AFG2A: variants seen among roughly 807,000 people sequenced by gnomAD.
AFG2A encodes ATPase family gene 2 protein homolog A.
chr4:123,177,248 A>G, the AFG2A span, among the ~76,000 whole-genome samples: 10 of 143,636 alleles, frequency 7.0e-5, no homozygotes, highest in African/African-American at 2.6e-4. Context: ...GCTGGAGTGC[A>G]GTGGCACGGT....
chr4:123,299,161 G>C, the AFG2A span, among the ~76,000 whole-genome samples: 11 of 150,004 alleles, frequency 7.3e-5, no homozygotes, highest in African/African-American at 2.7e-4. Context: ...GTCTGTGCAC[G>C]CATGCATGTA....
At chr4:123,272,642 C>G in the AFG2A span, among the ~76,000 whole-genome samples, 2 of 152,270 alleles carry the variant, frequency 1.3e-5, no homozygotes, top group East Asian at 1.9e-4. Flanking sequence ...GCATCGTAGC[C>G]TACTCAGATT....
the AFG2A span, among the ~76,000 whole-genome samples, chr4:123,044,316 A>G: frequency 1.3e-5 from 2 of 152,156 alleles, no homozygotes; most frequent in Non-Finnish European, 2.9e-5. Context: ...TTAGGGAACA[A>G]ACAAGATGAG....
At chr4:123,257,544 C>A in the AFG2A span, among the ~76,000 whole-genome samples, 6 of 152,110 alleles carry the variant, frequency 3.9e-5, no homozygotes, top group Non-Finnish European at 7.4e-5. Context: ...GAATAAAAAG[C>A]CATGTGGAAA....
the AFG2A span, among the ~76,000 whole-genome samples, chr4:123,070,689 A>G: frequency 1.3e-4 from 20 of 152,212 alleles, no homozygotes; most frequent in Admixed American, 3.3e-4. Context: ...TTAGATTTCA[A>G]CATATGCATT....
the AFG2A span, among the ~76,000 whole-genome samples, chr4:123,235,147 A>G: frequency 0.018 from 2,709 of 152,272 alleles, 90 homozygotes; most frequent in African/African-American, 0.062. Context: ...TTCTAGCACC[A>G]TAGGCTTTGA....
the AFG2A span, among the ~76,000 whole-genome samples, chr4:123,263,676 A>G: frequency 2.0e-5 from 3 of 152,184 alleles, no homozygotes; most frequent in Non-Finnish European, 2.9e-5. Context: ...CTTTATTCCT[A>G]TAAGAATAGC....
chr4:123,083,156 A>T, the AFG2A span, among the ~76,000 whole-genome samples: 1 of 152,044 alleles, frequency 6.6e-6, no homozygotes, highest in Non-Finnish European at 1.5e-5. Flanking sequence ...TTTCTTATGT[A>T]GTGTGATGTT....
At chr4:123,054,101 T>C in the AFG2A span, among the ~76,000 whole-genome samples, 4 of 152,340 alleles carry the variant, frequency 2.6e-5, no homozygotes, top group African/African-American at 9.6e-5. Flanking sequence ...ATGATTTCTC[T>C]GAACCCTTTG....
the AFG2A span, among the ~76,000 whole-genome samples, chr4:123,206,148 A>G: frequency 6.6e-6 from 1 of 152,166 alleles, no homozygotes; most frequent in Non-Finnish European, 1.5e-5. Context: ...CGAAATGTCT[A>G]CACATGATCA....
At chr4:123,034,706 AG>A in the AFG2A span, among the ~76,000 whole-genome samples, 1 of 152,192 alleles carries the variant, frequency 6.6e-6, no homozygotes, top group Non-Finnish European at 1.5e-5. Context: ...AGTAATAATA[AG>A]GGCAACAGTG....
the AFG2A span, among the ~76,000 whole-genome samples, chr4:123,084,373 T>G: frequency 6.6e-6 from 1 of 151,964 alleles, no homozygotes; most frequent in Non-Finnish European, 1.5e-5. Context: ...TCTAGTTGCT[T>G]AAGGTGAAAG....
chr4:123,018,790 C>T, the AFG2A span, among the ~76,000 whole-genome samples: 4 of 151,116 alleles, frequency 2.6e-5, no homozygotes, highest in South Asian at 2.1e-4. Flanking sequence ...TGCACCACCA[C>T]GCCCAGCTAA....
chr4:123,110,710 T>G, the AFG2A span, among the ~76,000 whole-genome samples: 1 of 152,182 alleles, frequency 6.6e-6, no homozygotes, highest in African/African-American at 2.4e-5. Flanking sequence ...ACACCGTGCT[T>G]TATGTACATA....
At chr4:122,950,666 T>G in the AFG2A span, among the ~76,000 whole-genome samples, 1 of 152,218 alleles carries the variant, frequency 6.6e-6, no homozygotes, top group Admixed American at 6.5e-5. Flanking sequence ...GGAGACGCTG[T>G]AGGCTGCACA....
chr4:123,230,505 C>G, the AFG2A span, among the ~76,000 whole-genome samples: 1 of 151,944 alleles, frequency 6.6e-6, no homozygotes, highest in Non-Finnish European at 1.5e-5. Flanking sequence ...CTTCCCTCCA[C>G]TGAAGTCTTA....
At chr4:122,929,071 C>T in the AFG2A span, 6 of 1,613,732 alleles carry the variant, frequency 3.7e-6, no homozygotes, top group Non-Finnish European at 5.1e-6. Context: ...GCAGGATTTC[C>T]TGGAGGCAAG....
At chr4:123,145,276 G>T in the AFG2A span, among the ~76,000 whole-genome samples, 1 of 152,044 alleles carries the variant, frequency 6.6e-6, no homozygotes, top group Admixed American at 6.5e-5. Flanking sequence ...CCCAATTTTT[G>T]AATGAAACTG....
chr4:123,284,954 T>A, the AFG2A span, among the ~76,000 whole-genome samples: 8 of 152,176 alleles, frequency 5.3e-5, no homozygotes. Context: ...TTACAACCAC[T>A]TTTGGATAGT....
Sources: gnomAD v4.1 joint callset for allele counts (sites outside exome capture counted in the v4.1 genomes callset) on GRCh38, gnomAD v4.1.1 for gene constraint, MANE v1.5 for transcripts, NCBI Gene and HGNC (gene_info 2026-07-23, HGNC 2026-07-21) for gene names.